TUBGCP6: variants seen among roughly 807,000 people sequenced by gnomAD.
TUBGCP6 encodes gamma-tubulin complex component 6.
Under a neutral mutation model 175.8 loss-of-function variants are expected in TUBGCP6, and 161 were observed. The observed-to-expected ratio is 0.92, with a 90% CI of 0.81 to 1.04. TUBGCP6 has a LOEUF of 1.04. Ranked by LOEUF, TUBGCP6 falls within the 50% of genes least tolerant of loss-of-function variation. The pLI is 0.00. For synonymous variants in TUBGCP6, 1,173 were observed against 1,030.5 expected (o/e 1.14, Z -2.65); for missense variants, 2,572 against 2,433.0 (o/e 1.06, Z -1.20).
chr22:50,236,552 TACTGGC>T (rs2064780427), intron 2 of TUBGCP6, among the ~76,000 whole-genome samples: 1 of 152,166 alleles, frequency 6.6e-6, no homozygotes, highest in Non-Finnish European at 1.5e-5. Context: ...AAACCACATG[TACTGGC>T]ACTACACACA....
intron 7 of TUBGCP6, 135 bp from the exon 8 acceptor site, chr22:50,226,513 G>A (rs2064612095): frequency 1.3e-6 from 1 of 787,384 alleles, no homozygotes; most frequent in Admixed American, 2.2e-5. Flanking sequence ...AGGTGGAGTG[G>A]GGTGTGGCCA....
At chr22:50,233,669 G>T in intron 2 of TUBGCP6, 143 bp from the exon 3 acceptor site, 2 of 812,224 alleles carry the variant, frequency 2.5e-6, no homozygotes, top group Non-Finnish European at 3.9e-6. Flanking sequence ...AGCCAGGTAT[G>T]AATGTCAGCT....
chr22:50,220,541 G>C lies in TUBGCP6; in HGVS notation c.3818C>G (p.Pro1273Arg), dbSNP rs777548898. 1.9e-6 allele frequency: 3 copies of C among 1,613,600 alleles called. No homozygotes were observed. Among genetic ancestry groups the C allele is most frequent in the Non-Finnish European group, 2.5e-6 (3 of 1,180,026 alleles). Residue 1273 changes from proline (P) to arginine (R), a missense_variant, in exon 16 of 25, where the codon CCT becomes CGT. Coordinates refer to ENST00000248846, the MANE Select transcript of TUBGCP6 (RefSeq NM_020461.4). ...AGCCCCCAGCACCATGTGGGGCGGA[G>C]GGATGGGTACATGGGTGTTCCACCG... ...RPRWNTHVPIPPPHMVLGALS... is the reference protein window; with the variant it reads ...RPRWNTHVPIRPPHMVLGALS...
At chr22:50,241,718 G>A (rs989177971) in intron 1 of TUBGCP6, among the ~76,000 whole-genome samples, 63 of 151,792 alleles carry the variant, frequency 4.2e-4, no homozygotes, top group Non-Finnish European at 6.2e-4. Context: ...CAGTTGACAC[G>A]TGACCCACGT....
At chr22:50,231,828 C>T (rs893209146) in intron 3 of TUBGCP6, among the ~76,000 whole-genome samples, 19 of 149,002 alleles carry the variant, frequency 1.3e-4, no homozygotes, top group Admixed American at 1.2e-3. Context: ...CCACTGCCCT[C>T]CAGCCTGGGC....
chr22:50,221,985 T>G, intron 15 of TUBGCP6, 43 bp downstream of exon 15: 1 of 1,611,658 alleles, frequency 6.2e-7, no homozygotes, highest in Non-Finnish European at 8.5e-7. Context: ...CCGAGGGCTA[T>G]GGGAAAACCA....
chr22:50,217,806 C>A lies in TUBGCP6; in HGVS notation c.5390G>T (p.Arg1797Leu), dbSNP rs779389082. Residue 1797 changes from arginine to leucine, a missense_variant, in exon 25 of 25, where the codon CGC (arginine) becomes CTC (leucine). Arg to Leu is a moderately radical substitution (Grantham distance 102). Coordinates refer to ENST00000248846, the MANE Select transcript of TUBGCP6 (RefSeq NM_020461.4). ...GTCCTCCAGGTGGGGCTGGTAGCCG[C>A]GGTTCACCAGCTTGGTCACCACTGG... ...LFKVVTKLVN[R>L]GYQPHLEDFL... 1.9e-6 allele frequency: 3 copies of A among 1,613,822 alleles called. No individual in the cohort carries two copies. The highest frequency in any genetic ancestry group is 2.5e-6 in the Non-Finnish European group (3 of 1,180,022).
chr22:50,222,989 A>C (rs758960327), intron 13 of TUBGCP6: 1 of 173,598 alleles, frequency 5.8e-6, no homozygotes, highest in Non-Finnish European at 1.2e-5. Flanking sequence ...AAGCACATGA[A>C]GCAAAACCAA....
rs767187671 is a variant in TUBGCP6 at position 50,233,542 on chromosome 22, A to G, written c.906-16T>C. On this transcript the variant is annotated splice_polypyrimidine_tract_variant and intron_variant, in intron 2 of 24. Coordinates refer to ENST00000248846, the MANE Select transcript of TUBGCP6 (RefSeq NM_020461.4). ...GCCAGGGGGGCTGCGAGGGGTGCAG[A>G]AGAGAGGCCATGAGCAGACGTGGTG... The G allele has an allele frequency of 3.8e-6, 6 of 1,589,234 alleles. No individual in the cohort carries two copies. In the African/African-American group the frequency reaches 5.4e-5, roughly 14 times the overall value.
chr22:50,233,247 G>T (rs2064716347), intron 3 of TUBGCP6, 69 bp downstream of exon 3: 4 of 1,546,782 alleles, frequency 2.6e-6, no homozygotes, highest in Non-Finnish European at 3.5e-6. Flanking sequence ...CCCCATAAAG[G>T]GCTGGGCACT....
chr22:50,221,289 G>C lies in TUBGCP6; in HGVS notation c.3070C>G (p.Arg1024Gly). 6.2e-7 allele frequency: 1 copy of C among 1,613,838 alleles called. No homozygotes were observed. Among genetic ancestry groups the C allele is most frequent in the Non-Finnish European group, 8.5e-7 (1 of 1,180,024 alleles). ...LEEGSSQPTE[R>G]LFGQVSGGGL... ...CCCCCTGACACCTGCCCAAAGAGCC[G>C]CTCTGTGGGCTGGCTGCTCCCCTCC... Residue 1024 changes from arginine to glycine, a missense_variant, in exon 16 of 25, where the codon CGG becomes GGG. Transcript: ENST00000248846.
In TUBGCP6 at chr22:50,220,923, C is replaced by T. The variant is rs2064510364; in HGVS notation, c.3436G>A (p.Glu1146Lys). 4 of 1,610,228 alleles carry T rather than the reference C, an allele frequency of 2.5e-6. 1 individual carries two copies. In the South Asian group the frequency reaches 4.4e-5, roughly 18 times the overall value. Reference protein sequence around the residue: ...HVSNASIRVGENVSDVAPTRP... With the variant: ...HVSNASIRVGKNVSDVAPTRP... ...GTGGGAGCCACGTCCGACACGTTCT[C>T]CCCAACCCTGATGCTGGCGTTGGAC... is the stretch of plus-strand genomic sequence containing the variant. The change falls in exon 16 of 25, where the codon GAG (glutamate) becomes AAG (lysine). Residue 1146 changes from glutamate to lysine, a missense_variant. Physicochemically the swap from Glu to Lys is moderately conservative, Grantham distance 56 (BLOSUM62 1). Coordinates refer to ENST00000248846, the MANE Select transcript of TUBGCP6 (RefSeq NM_020461.4).
At chr22:50,222,712 T>TC in intron 13 of TUBGCP6, 120 bp from the exon 14 acceptor site, 1 of 1,410,176 alleles carries the variant, frequency 7.1e-7, no homozygotes, top group Middle Eastern at 2.6e-4. Context: ...CGCCCCCGTC[T>TC]CCCCCTACCA....
At position 50,228,001 on chromosome 22, in the gene TUBGCP6, G is replaced by A; in HGVS notation, c.1318C>T (p.Leu440=). 2 of 1,567,962 alleles carry A rather than the reference G, an allele frequency of 1.3e-6. No individual in the cohort carries two copies. The highest frequency in any genetic ancestry group is 1.2e-5 in the South Asian group (1 of 85,002). ...AGGACGCAGGCCCGGTAATACTGCA[G>A]GTACCTCCTCAGGCCACTGGTGAAG... ...QAFTSGLRRY[L]QYYRACVLST... is the part of the protein sequence containing the mutation. The change falls in exon 5 of 25, where the codon CTG becomes TTG. Residue 440 remains leucine, a synonymous_variant. Transcript: ENST00000248846.
rs141350146 is a variant in TUBGCP6 at position 50,218,742 on chromosome 22, G to A, written c.4782C>T (p.Asn1594=). The stretch of plus-strand genomic sequence containing the variant: ...CCAGGCAGCTCAGCACATCCGGGGC[G>A]TTGGGGGCAAACACCTCGGGCAGGT... ...LKYLPEVFAP[N]APDVLSCLEL... Residue 1594 remains asparagine (N), a synonymous_variant, in exon 21 of 25, where the codon AAC becomes AAT. Transcript: ENST00000248846. 63 of 1,613,936 alleles carry A rather than the reference G, an allele frequency of 3.9e-5. No individual in the cohort carries two copies. The highest frequency in any genetic ancestry group is 2.5e-4 in the Admixed American group (15 of 60,006).
chr22:50,230,650 G>A (rs2064675654), intron 3 of TUBGCP6, among the ~76,000 whole-genome samples: 2 of 149,590 alleles, frequency 1.3e-5, no homozygotes. Context: ...GGTGGTGCAT[G>A]CCTGTTGGTC....
chr22:50,222,275 C>T (rs1401401612), intron 14 of TUBGCP6, among the ~76,000 whole-genome samples, 173 bp from the exon 15 acceptor site: 1 of 152,170 alleles, frequency 6.6e-6, no homozygotes, highest in Non-Finnish European at 1.5e-5. Context: ...AAACCACGAG[C>T]TCCTCACCAC....
chr22:50,243,649 AG>A, intron 1 of TUBGCP6, 69 bp downstream of exon 1: 1 of 1,355,994 alleles, frequency 7.4e-7, no homozygotes, highest in Admixed American at 2.3e-5. Flanking sequence ...AAGAAGAAGA[AG>A]AAGAAAGGTC....
Position 50,226,348 on chromosome 22 carries a change from C to A in TUBGCP6, c.1632G>T (p.Val544=). 6.2e-7 allele frequency: 1 copy of A among 1,612,696 alleles called. No homozygotes were observed. Among genetic ancestry groups the A allele is most frequent in the Middle Eastern group, 1.7e-4 (1 of 6,058 alleles). Residue 544 remains valine (V), a synonymous_variant, in exon 8 of 25, where the codon GTG becomes GTT. Transcript: ENST00000248846. ...TGAACTCGCCATAAGCGTCTCTGAA[C>A]ACCCCGCTGTACACCCAGTCGTGGA... ...RFIHDWVYSG[V]FRDAYGEFMI...
Sources: allele counts gnomAD v4.1 joint callset (sites outside exome capture counted in the v4.1 genomes callset), GRCh38; gene constraint gnomAD v4.1.1; transcripts MANE v1.5; gene names NCBI Gene and HGNC (gene_info 2026-07-23, HGNC 2026-07-21).